The following OTOGL variants were observed in gnomAD, a reference collection of about 807,000 sequenced individuals.
The protein encoded by OTOGL is otogelin like, also known as otogelin-like protein.
In OTOGL, 285 loss-of-function variants were observed where a neutral mutation model predicts 318.5. That is an observed-to-expected ratio of 0.89 (90% CI 0.81 to 0.99). OTOGL has a LOEUF of 0.99. OTOGL is among the 50% of genes least tolerant of loss of function. The pLI is 0.00. For missense variants in OTOGL, 2,899 were observed against 2,845.6 expected (o/e 1.02, Z -0.43); for synonymous variants, 987 against 936.5 (o/e 1.05, Z -0.99).
intron 43 of OTOGL, 34 bp downstream of exon 43, chr12:80,339,298 G>GTGTTT: frequency 1.9e-6 from 1 of 535,102 alleles, no homozygotes. Context: ...GATTTCGTCT[G>GTGTTT]TTTTTTTTTT....
At chr12:80,367,422 C>G in intron 53 of OTOGL, 139 bp from the exon 54 acceptor site, 1 of 553,884 alleles carries the variant, frequency 1.8e-6, no homozygotes, top group Non-Finnish European at 3.0e-6. Context: ...CATTAAAATA[C>G]GTAAATATGA....
intron 8 of OTOGL, 32 bp downstream of exon 8, chr12:80,229,410 A>G: frequency 6.4e-7 from 1 of 1,570,594 alleles, no homozygotes; most frequent in Non-Finnish European, 8.7e-7. Flanking sequence ...AATGTCAGTA[A>G]CACCACAAAT....
At chr12:80,133,048 A>T (rs1871334110) in intron 1 of OTOGL, among the ~76,000 whole-genome samples, 1 of 152,226 alleles carries the variant, frequency 6.6e-6, no homozygotes, top group Non-Finnish European at 1.5e-5. Flanking sequence ...TTAAGTTTAA[A>T]ATACAAATGA....
At chr12:80,359,047 A>G in intron 52 of OTOGL, 147 bp downstream of exon 52, 1 of 669,888 alleles carries the variant, frequency 1.5e-6, no homozygotes, top group Non-Finnish European at 2.4e-6. Context: ...ATGTGCTCTG[A>G]TATTAGGAAA....
intron 1 of OTOGL, among the ~76,000 whole-genome samples, chr12:80,155,979 C>T (rs1487033980): frequency 2.0e-5 from 3 of 152,208 alleles, no homozygotes; most frequent in Admixed American, 6.5e-5. Flanking sequence ...AATAGTACTC[C>T]ATTATGTATA....
At chr12:80,304,993 C>T (rs563029145) in intron 28 of OTOGL, among the ~76,000 whole-genome samples, 1 of 152,272 alleles carries the variant, frequency 6.6e-6, no homozygotes, top group African/African-American at 2.4e-5. Flanking sequence ...GAAATCATAT[C>T]TGTTCAGACA....
intron 1 of OTOGL, chr12:80,103,185 C>T (rs758271825): frequency 4.9e-5 from 67 of 1,373,952 alleles, no homozygotes; most frequent in Middle Eastern, 1.8e-4. Flanking sequence ...ATCGTCCTTT[C>T]GGATGGGCAT....
At position 80,211,905 on chromosome 12, in the gene OTOGL, C is replaced by G. The variant is rs550878136; in HGVS notation, c.120-44C>G. ...TCTTGGGAAAGGCTTGTTCAGGTTG[C>G]CTAGGGGCCTTTGACTGTACAAGTT... On this transcript the variant is annotated intron_variant, in intron 3 of 58. Coordinates refer to ENST00000547103, the MANE Select transcript of OTOGL (RefSeq NM_001378609.3). 2.0e-6 allele frequency: 3 copies of G among 1,480,752 alleles called. No homozygotes were observed. The South Asian group carries it at 3.6e-5, about 18-fold the overall frequency. The allele number at this position is 1,480,752 out of a possible 1,614,324, so 91.7% of individuals were successfully genotyped here. A position where few individuals can be genotyped will look rare whatever the true frequency, so the allele number is the denominator to read the frequency against.
At chr12:80,179,196 CTTA>C (rs1194706389) in intron 1 of OTOGL, among the ~76,000 whole-genome samples, 2 of 152,132 alleles carry the variant, frequency 1.3e-5, no homozygotes, top group Admixed American at 6.5e-5. Flanking sequence ...CTCGAGCTTT[CTTA>C]TTAGTGTGCT....
At chr12:80,126,754 T>C (rs1473138010) in intron 1 of OTOGL, among the ~76,000 whole-genome samples, 2 of 152,234 alleles carry the variant, frequency 1.3e-5, no homozygotes, top group East Asian at 3.8e-4. Flanking sequence ...TTTAGGATAG[T>C]TAGCTCTTCT....
intron 26 of OTOGL, among the ~76,000 whole-genome samples, chr12:80,296,425 C>G (rs1885399864): frequency 6.6e-6 from 1 of 152,016 alleles, no homozygotes. Flanking sequence ...AACTTATAGA[C>G]AAATAATTAT....
At chr12:80,295,157 CTTTTTTT>C (rs66786755) in intron 26 of OTOGL, among the ~76,000 whole-genome samples, 60,600 of 98,866 alleles carry the variant, frequency 0.61, 20,095 homozygotes, top group East Asian at 0.89. Context: ...GATTGCCGAA[CTTTTTTT>C]TTTTTTTTTT....
chr12:80,352,544 A>G (rs1243461397), intron 45 of OTOGL, 108 bp downstream of exon 45: 1 of 943,386 alleles, frequency 1.1e-6, no homozygotes, highest in Non-Finnish European at 1.5e-6. Context: ...AGTAAGCATA[A>G]AATGCACAGA....
chr12:80,302,506 A>G (rs1463421843), intron 27 of OTOGL, 128 bp from the exon 28 acceptor site: 1 of 573,108 alleles, frequency 1.7e-6, no homozygotes, highest in African/African-American at 1.9e-5. Flanking sequence ...CAGAATTCAG[A>G]AAAGGCATGA....
At position 80,360,337 on chromosome 12, in the gene OTOGL, T is replaced by C. The variant is rs191269940; in HGVS notation, c.6267+1437T>C. 1.6e-3 allele frequency among the ~76,000 whole-genome samples: 247 copies of C among 151,080 alleles called. 1 individual carries two copies. Among genetic ancestry groups the C allele is most frequent in the Middle Eastern group, 6.9e-3 (2 of 290 alleles). ...TTTCTGGGACACATAGGTTGGTTTG[T>C]TTCTCTCACTCCCTCTCTCCCTCTC... is the stretch of plus-strand genomic sequence containing the variant. On this transcript the variant is annotated intron_variant, in intron 52 of 58. Transcript: ENST00000547103.
At chr12:80,270,067 T>C in intron 22 of OTOGL, 35 bp from the exon 23 acceptor site, 2 of 1,490,884 alleles carry the variant, frequency 1.3e-6, no homozygotes, top group African/African-American at 1.4e-5. Context: ...AACAACAGAT[T>C]TGGTTCCATA....
chr12:80,170,960 G>A (rs1021636923), intron 1 of OTOGL, among the ~76,000 whole-genome samples: 1 of 152,114 alleles, frequency 6.6e-6, no homozygotes, highest in Admixed American at 6.5e-5. Context: ...CAAATGCATG[G>A]AGATTTTCTC....
chr12:80,353,585 ATG>A lies in OTOGL; in HGVS notation c.5593+78_5593+79del. On this transcript the variant is annotated intron_variant, in intron 46 of 58. Transcript: ENST00000547103. ...AAAACATTTTTTAGATATTGCAGAG[ATG>A]TGCTAACAAAGGTTTATCAAAGACA... 3.4e-6 allele frequency: 4 copies of A among 1,175,624 alleles called. No individual in the cohort carries two copies. In the South Asian group the frequency reaches 1.0e-4, roughly 31 times the overall value. The allele number at this position is 1,175,624 out of a possible 1,614,324, so 72.8% of individuals were successfully genotyped here. A position where few individuals can be genotyped will look rare whatever the true frequency, so the allele number is the denominator to read the frequency against.
chr12:80,337,029 T>C, intron 42 of OTOGL, 25 bp downstream of exon 42: 1 of 1,484,232 alleles, frequency 6.7e-7, no homozygotes, highest in Non-Finnish European at 9.2e-7. Context: ...TTAAAATTTT[T>C]TCTCACATTA....
Sources: gnomAD v4.1 joint callset for allele counts (sites outside exome capture counted in the v4.1 genomes callset) on GRCh38, gnomAD v4.1.1 for gene constraint, MANE v1.5 for transcripts, NCBI Gene and HGNC (gene_info 2026-07-23, HGNC 2026-07-21) for gene names.